Variants in INKA2 observed in about 807,000 individuals in gnomAD.
INKA2 encodes inka box actin regulator 2, also known as PAK4-inhibitor INKA2.
A neutral mutation model predicts 9.8 loss-of-function variants in INKA2; 3 were observed. The observed-to-expected ratio is 0.31, with a 90% confidence interval of 0.14 to 0.79. The LOEUF (loss-of-function observed/expected upper bound fraction) is 0.79, where lower values mean the gene tolerates loss of function less well. Ranked by LOEUF, INKA2 falls within the 30% of genes least tolerant of loss-of-function variation. The pLI, the probability that INKA2 is intolerant of heterozygous loss-of-function variation, is 0.62. For missense variants in INKA2, 392 were observed against 384.4 expected (o/e 1.02, Z -0.17); for synonymous variants, 147 against 143.3 (o/e 1.03, Z -0.18).
upstream of INKA2, among the ~76,000 whole-genome samples, chr1:111,742,110 G>A (rs1488762631): frequency 1.3e-5 from 2 of 152,184 alleles, no homozygotes; most frequent in Non-Finnish European, 2.9e-5. Flanking sequence ...GGGAGGCTAA[G>A]GTTGAAAATC....
chr1:111,738,400 C>A (rs530558440), intron 1 of INKA2, among the ~76,000 whole-genome samples: 2 of 151,626 alleles, frequency 1.3e-5, no homozygotes, highest in East Asian at 1.9e-4. Context: ...TGATTTCCAC[C>A]CCCCCAGACT....
rs141355261 is a variant in INKA2, at chr1:111,723,987, C to T, written c.*2981G>A. The T allele has an allele frequency of 1.4e-4, 21 of 152,374 alleles. No individual in the cohort carries two copies. The highest frequency in any genetic ancestry group is 4.6e-4 in the African/African-American group (19 of 41,582). 9.4% of individuals were successfully genotyped at this position (152,374 alleles called of 1,614,324 possible). A position where few individuals can be genotyped will look rare whatever the true frequency, so the allele number is the denominator to read the frequency against. On this transcript the variant is annotated 3_prime_UTR_variant, in exon 2 of 2. Coordinates refer to ENST00000357260, the MANE Select transcript of INKA2 (RefSeq NM_019099.5). Reference sequence around the variant, plus strand: ...GCACAAGATTGCAAGTCAGTTGGAACTGATTCAATCTCAATTCCACTACTG... The same window carrying T: ...GCACAAGATTGCAAGTCAGTTGGAATTGATTCAATCTCAATTCCACTACTG...
At position 111,729,085 on chromosome 1, in the gene INKA2, C is replaced by T. The variant is rs572657474; in HGVS notation, c.58-1281G>A. 2.6e-5 allele frequency among the ~76,000 whole-genome samples: 4 copies of T among 152,166 alleles called. No homozygotes were observed. The South Asian group carries it at 8.3e-4, about 32-fold the overall frequency. On this transcript the variant is annotated intron_variant, in intron 1 of 1. Transcript: ENST00000357260. Reference sequence around the variant, plus strand: ...TGTGCTGCCTGCACCCAGAGCTGGACTTTAAGGCTACTCTGTCCTCTACAG... The same window carrying T: ...TGTGCTGCCTGCACCCAGAGCTGGATTTTAAGGCTACTCTGTCCTCTACAG...
intron 1 of INKA2, among the ~76,000 whole-genome samples, chr1:111,748,518 C>T (rs930565115): frequency 6.6e-6 from 1 of 152,212 alleles, no homozygotes; most frequent in East Asian, 1.9e-4. Flanking sequence ...GCTTCTGTGT[C>T]AGTTTCTACA....
chr1:111,745,779 C>T (rs567287315), intron 1 of INKA2: 87 of 152,228 alleles, frequency 5.7e-4, no homozygotes, highest in African/African-American at 1.9e-3. Flanking sequence ...CTCCAGAGGC[C>T]CAGTGCTGGC....
At chr1:111,755,476 TAGCGTTGGGGA>T in intron 1 of INKA2, 2 of 570,310 alleles carry the variant, frequency 3.5e-6, no homozygotes, top group East Asian at 3.1e-5. Flanking sequence ...ACGGAGCGGG[TAGCGTTGGGGA>T]AGAGGTGGCC....
rs61788765 is a variant in INKA2 at position 111,725,791 on chromosome 1, G to C, written c.*1177C>G. On this transcript the variant is annotated 3_prime_UTR_variant, in exon 2 of 2. Transcript: ENST00000357260. ...TCTGTCAGCCAGGCTGGAGTGCAGT[G>C]GCATGATCTCGCCTCACTGCAACCT... The C allele has an allele frequency of 0.069, 16,492 of 240,608 alleles. 672 individuals are homozygous for C. Among genetic ancestry groups the C allele is most frequent in the African/African-American group, 0.12 (5,243 of 44,210 alleles). The allele number at this position is 240,608 out of a possible 1,614,324, so 14.9% of individuals were successfully genotyped here. A position where few individuals can be genotyped will look rare whatever the true frequency, so the allele number is the denominator to read the frequency against.
Position 111,727,219 on chromosome 1 carries a change from A to G in INKA2, c.643T>C (p.Leu215=). 1 of 1,614,200 alleles carries G rather than the reference A, an allele frequency of 6.2e-7. No individual in the cohort carries two copies. The highest frequency in any genetic ancestry group is 1.1e-5 in the South Asian group (1 of 91,086). The change falls in exon 2 of 2, where the codon TTG becomes CTG. Residue 215 remains leucine, a synonymous_variant. Coordinates refer to ENST00000357260, the MANE Select transcript of INKA2 (RefSeq NM_019099.5). ...TCACGGTCAGGCCGCACACTACGCA[A>G]GAACTTCTTAAAGATGTTTGCTGTC... The part of the protein sequence containing the change: ...ALTANIFKKF[L]RSVRPDRDRL...
Position 111,724,443 on chromosome 1 carries a change from T to G in INKA2, c.*2525A>C, listed in dbSNP as rs1662719421. The G allele has an allele frequency of 6.6e-6, 1 of 152,236 alleles. No individual in the cohort carries two copies. The allele number at this position is 152,236 out of a possible 1,614,324, so 9.4% of individuals were successfully genotyped here. A position where few individuals can be genotyped will look rare whatever the true frequency, so the allele number is the denominator to read the frequency against. On this transcript the variant is annotated 3_prime_UTR_variant, in exon 2 of 2. Coordinates refer to ENST00000357260, the MANE Select transcript of INKA2 (RefSeq NM_019099.5). The stretch of plus-strand genomic sequence containing the variant: ...GTTTCCCACAGACTCATTCCAGACT[T>G]GGAGCTGGTGTCATCTTGAATAATA...
chr1:111,755,690 C>T lies in INKA2; in HGVS notation n.124+11G>A, dbSNP rs200709002. The T allele has an allele frequency of 2.5e-3, 3,972 of 1,613,748 alleles. 15 individuals carry two copies. The highest frequency in any genetic ancestry group is 5.8e-3 in the Admixed American group (351 of 60,032). ...CGCGGCGCCCTCTGCAGGCCACAGG[C>T]AGCGACTCACCAGTTGCCTCATCTT... On this transcript the variant is annotated intron_variant and non_coding_transcript_variant, in intron 1 of 1. Transcript: ENST00000444059.
chr1:111,752,760 C>T (rs934196512), intron 1 of INKA2, among the ~76,000 whole-genome samples: 1 of 150,086 alleles, frequency 6.7e-6, no homozygotes, highest in African/African-American at 2.5e-5. Flanking sequence ...GTGGTGTGAT[C>T]TCGGCTCACT....
chr1:111,737,580 CACAT>C (rs1402554803), intron 1 of INKA2, among the ~76,000 whole-genome samples: 2 of 152,112 alleles, frequency 1.3e-5, no homozygotes, highest in East Asian at 3.8e-4. Context: ...TGGTACTGCA[CACAT>C]AAATGGAAAA....
At chr1:111,745,146 T>C (rs904728278) in intron 1 of INKA2, among the ~76,000 whole-genome samples, 1 of 150,940 alleles carries the variant, frequency 6.6e-6, no homozygotes, top group Admixed American at 6.6e-5. Context: ...GCTTGGTGCT[T>C]ATGGTGCCTA....
chr1:111,731,931 G>A (rs940365867), intron 1 of INKA2, among the ~76,000 whole-genome samples: 2 of 152,194 alleles, frequency 1.3e-5, no homozygotes, highest in Admixed American at 6.5e-5. Context: ...CCCCATGCAG[G>A]GGCTGGGGAG....
intron 1 of INKA2, chr1:111,755,412 T>TC (rs1341888534): frequency 4.0e-6 from 2 of 502,576 alleles, no homozygotes; most frequent in Non-Finnish European, 3.5e-6. Context: ...AACCCTTGGG[T>TC]CCAGCTACGT....
In INKA2 at chr1:111,728,038, TACACAC is replaced by T. The variant is rs60867844; in HGVS notation, c.58-240_58-235del. Among the ~76,000 whole-genome samples the T allele has an allele frequency of 2.6e-3, 286 of 109,518 alleles. 5 individuals carry two copies. Among genetic ancestry groups the T allele is most frequent in the African/African-American group, 6.8e-3 (214 of 31,470 alleles). The allele number at this position is 109,518 out of a possible 152,430, so 71.8% of individuals were successfully genotyped here. ...GTCCTGAGAAGGCTCCCCCACCCCATACACACACACACACACACACACACACACACA... is the reference window on the plus strand; with the variant it reads ...GTCCTGAGAAGGCTCCCCCACCCCATACACACACACACACACACACACACA... On this transcript the variant is annotated intron_variant, in intron 1 of 1. Coordinates refer to ENST00000357260, the MANE Select transcript of INKA2 (RefSeq NM_019099.5).
chr1:111,727,329 C>T lies in INKA2; in HGVS notation c.533G>A (p.Gly178Asp). 1.9e-6 allele frequency: 3 copies of T among 1,614,182 alleles called. No individual in the cohort carries two copies. The highest frequency in any genetic ancestry group is 2.5e-6 in the Non-Finnish European group (3 of 1,180,032). ...CCCCCCAGTCTCACCCTTCTCCCCA[C>T]CCTTCTCCAGTTCTGGCAAGTCTAG... ...NWLDLPELEK[G>D]GEKGETGGAR... Residue 178 changes from glycine to aspartate, a missense_variant, in exon 2 of 2, where the codon GGT (glycine) becomes GAT (aspartate). Gly to Asp is a moderately conservative substitution (Grantham distance 94). Transcript: ENST00000357260.
intron 1 of INKA2, chr1:111,754,060 G>A (rs572322632): frequency 6.6e-6 from 1 of 152,196 alleles, no homozygotes; most frequent in African/African-American, 2.4e-5. Flanking sequence ...TTGCGAGTTA[G>A]GATGATAAAG....
At chr1:111,740,624 G>T (rs973044892), upstream of INKA2, among the ~76,000 whole-genome samples, 1 of 152,254 alleles carries the variant, frequency 6.6e-6, no homozygotes, top group Non-Finnish European at 1.5e-5. Flanking sequence ...GAGAAGGCAC[G>T]AACGGTGCCG....
Sources: gnomAD v4.1 joint callset for allele counts (sites outside exome capture counted in the v4.1 genomes callset) on GRCh38, gnomAD v4.1.1 for gene constraint, MANE v1.5 for transcripts, NCBI Gene and HGNC (gene_info 2026-07-23, HGNC 2026-07-21) for gene names.